SCHIP1: variants seen among roughly 807,000 people sequenced by gnomAD.
The protein encoded by SCHIP1 is schwannomin interacting protein 1.
A neutral mutation model predicts 29.7 loss-of-function variants in SCHIP1; 8 were observed. That is an observed-to-expected ratio of 0.27 (90% CI 0.16 to 0.49). The LOEUF (loss-of-function observed/expected upper bound fraction) is 0.49, where lower values mean the gene tolerates loss of function less well. Among genes scored for constraint, SCHIP1 ranks in the 20% least tolerant of loss-of-function variants. The pLI is 0.99. For missense variants in SCHIP1, 193 were observed against 294.6 expected, an observed-to-expected ratio of 0.66 and a Z score of 2.52; for synonymous variants, 76 against 94.9, an observed-to-expected ratio of 0.80 and a Z score of 1.16.
chr3:159,536,453 C>T, the SCHIP1 span, among the ~76,000 whole-genome samples: 2 of 152,176 alleles, frequency 1.3e-5, no homozygotes, highest in Admixed American at 6.5e-5. Context: ...CAGAGTCTTA[C>T]ATTTCTTGGT....
chr3:159,555,988 G>A, the SCHIP1 span, among the ~76,000 whole-genome samples: 1 of 152,122 alleles, frequency 6.6e-6, no homozygotes, highest in East Asian at 1.9e-4. Flanking sequence ...GATGGGTGCA[G>A]CAAACCACAA....
the SCHIP1 span, among the ~76,000 whole-genome samples, chr3:159,566,971 ATCTT>A: frequency 1.7e-4 from 26 of 152,348 alleles, no homozygotes; most frequent in East Asian, 5.8e-4. Flanking sequence ...GTTGTTTCAC[ATCTT>A]TCTAATTCTT....
At chr3:159,626,234 A>C in the SCHIP1 span, among the ~76,000 whole-genome samples, 1 of 97,386 alleles carries the variant, frequency 1.0e-5, no homozygotes, top group Admixed American at 1.0e-4. Flanking sequence ...ATATATCTAG[A>C]TATATCTATC....
the SCHIP1 span, among the ~76,000 whole-genome samples, chr3:159,296,762 A>G: frequency 6.6e-6 from 1 of 152,000 alleles, no homozygotes; most frequent in Non-Finnish European, 1.5e-5. Context: ...AACAAGAGTG[A>G]AACTCTGTCT....
At chr3:159,449,466 T>C in the SCHIP1 span, among the ~76,000 whole-genome samples, 13 of 152,156 alleles carry the variant, frequency 8.5e-5, no homozygotes, top group Non-Finnish European at 1.8e-4. Context: ...AGGATTCCAA[T>C]AGGCCCAAAG....
At chr3:159,633,254 A>G in the SCHIP1 span, among the ~76,000 whole-genome samples, 1 of 152,220 alleles carries the variant, frequency 6.6e-6, no homozygotes, top group Non-Finnish European at 1.5e-5. Context: ...ACATATAATA[A>G]ACCTTGAATT....
At chr3:159,610,329 G>A in the SCHIP1 span, among the ~76,000 whole-genome samples, 2 of 152,320 alleles carry the variant, frequency 1.3e-5, no homozygotes, top group South Asian at 2.1e-4. Context: ...TGACAGCCCT[G>A]GAAAATGAGG....
chr3:159,471,619 A>ATTT, the SCHIP1 span, among the ~76,000 whole-genome samples: 1 of 152,100 alleles, frequency 6.6e-6, no homozygotes, highest in South Asian at 2.1e-4. Flanking sequence ...AATAAAAACA[A>ATTT]TGAGAAGATG....
At chr3:159,585,094 T>C in the SCHIP1 span, among the ~76,000 whole-genome samples, 624 of 144,504 alleles carry the variant, frequency 4.3e-3, 7 homozygotes, top group African/African-American at 0.017. Flanking sequence ...CCAGCACTTC[T>C]GACCCTCTCT....
chr3:159,547,247 T>C, the SCHIP1 span, among the ~76,000 whole-genome samples: 1 of 152,286 alleles, frequency 6.6e-6, no homozygotes, highest in East Asian at 1.9e-4. Flanking sequence ...ATATCCTTTG[T>C]TGCCCACTTG....
At chr3:159,381,387 G>A in the SCHIP1 span, among the ~76,000 whole-genome samples, 1 of 152,014 alleles carries the variant, frequency 6.6e-6, no homozygotes. Context: ...CAATAGATTT[G>A]CATTGTTCAA....
At chr3:159,336,264 A>G in the SCHIP1 span, among the ~76,000 whole-genome samples, 1 of 152,026 alleles carries the variant, frequency 6.6e-6, no homozygotes, top group Non-Finnish European at 1.5e-5. Flanking sequence ...AGATGAGTAG[A>G]TTGCAAAAAT....
At chr3:159,688,166 G>A in the SCHIP1 span, among the ~76,000 whole-genome samples, 1 of 152,200 alleles carries the variant, frequency 6.6e-6, no homozygotes. Context: ...GATCCTTGAG[G>A]AGTCACCACA....
the SCHIP1 span, among the ~76,000 whole-genome samples, chr3:159,782,353 A>G: frequency 6.6e-6 from 1 of 152,244 alleles, no homozygotes; most frequent in Non-Finnish European, 1.5e-5. Context: ...GTTATAAACT[A>G]CTATACCAAA....
the SCHIP1 span, among the ~76,000 whole-genome samples, chr3:159,428,643 C>T: frequency 6.6e-5 from 10 of 150,378 alleles, no homozygotes; most frequent in African/African-American, 2.2e-4. Context: ...TGTGGCGATT[C>T]CTCAGGGATC....
the SCHIP1 span, among the ~76,000 whole-genome samples, chr3:159,562,427 C>G: frequency 6.6e-6 from 1 of 152,158 alleles, no homozygotes; most frequent in Non-Finnish European, 1.5e-5. Flanking sequence ...AACTTTAGAG[C>G]TAATGTTCTT....
At chr3:159,489,528 TA>T in the SCHIP1 span, among the ~76,000 whole-genome samples, 1 of 152,168 alleles carries the variant, frequency 6.6e-6, no homozygotes, top group African/African-American at 2.4e-5. Flanking sequence ...TAAAACAATA[TA>T]TGTCAATATT....
the SCHIP1 span, among the ~76,000 whole-genome samples, chr3:159,564,962 T>C: frequency 9.9e-4 from 151 of 152,354 alleles, no homozygotes; most frequent in African/African-American, 3.5e-3. Context: ...CATTTTCCTC[T>C]TCAGTATATA....
At chr3:159,345,596 C>G in the SCHIP1 span, among the ~76,000 whole-genome samples, 1 of 152,014 alleles carries the variant, frequency 6.6e-6, no homozygotes, top group African/African-American at 2.4e-5. Flanking sequence ...CTCATTCACT[C>G]ACACCCTCAT....
Sources: gnomAD v4.1 joint callset for allele counts (sites outside exome capture counted in the v4.1 genomes callset) on GRCh38, gnomAD v4.1.1 for gene constraint, MANE v1.5 for transcripts, NCBI Gene and HGNC (gene_info 2026-07-23, HGNC 2026-07-21) for gene names.